The following RIPOR2 variants were observed in gnomAD, a reference collection of about 807,000 sequenced individuals.
RIPOR2 encodes RHO family interacting cell polarization regulator 2.
A neutral mutation model predicts 114.5 loss-of-function variants in RIPOR2; 39 were observed. The observed-to-expected ratio is 0.34, with a 90% CI of 0.26 to 0.44. RIPOR2 has a LOEUF of 0.44. RIPOR2 is among the 20% of genes least tolerant of loss of function. The pLI is 1.00. For missense variants in RIPOR2, 1,007 were observed against 1,255.1 expected, an observed-to-expected ratio of 0.80 and a Z score of 2.99; for synonymous variants, 445 against 484.4, an observed-to-expected ratio of 0.92 and a Z score of 1.07.
At chr6:25,012,526 G>A (rs2113681649) in intron 1 of RIPOR2, among the ~76,000 whole-genome samples, 1 of 152,186 alleles carries the variant, frequency 6.6e-6, no homozygotes, top group South Asian at 2.1e-4. Flanking sequence ...TCCATACAAT[G>A]GAATATAATT....
chr6:24,897,121 G>A (rs1222025056), intron 1 of RIPOR2, among the ~76,000 whole-genome samples: 2 of 152,142 alleles, frequency 1.3e-5, no homozygotes, highest in African/African-American at 4.8e-5. Flanking sequence ...CCAATACATT[G>A]GAAGTGAAAA....
chr6:24,966,766 G>T (rs899016857), intron 1 of RIPOR2, among the ~76,000 whole-genome samples: 1 of 152,218 alleles, frequency 6.6e-6, no homozygotes, highest in South Asian at 2.1e-4. Flanking sequence ...ATAAGGACAG[G>T]TGATGAGCTT....
intron 1 of RIPOR2, among the ~76,000 whole-genome samples, chr6:24,903,237 AG>A (rs1452081950): frequency 6.6e-6 from 1 of 152,220 alleles, no homozygotes; most frequent in Non-Finnish European, 1.5e-5. Flanking sequence ...GGTGGCTGAT[AG>A]CTTCAAGAGT....
At chr6:24,936,695 C>G (rs16889798), upstream of RIPOR2, among the ~76,000 whole-genome samples, 20,664 of 152,156 alleles carry the variant, frequency 0.14, 1,798 homozygotes, top group South Asian at 0.23. Flanking sequence ...TGAGCTTCTA[C>G]GCGAGCACCA....
chr6:24,907,715 T>C (rs1769131880), intron 1 of RIPOR2, among the ~76,000 whole-genome samples: 1 of 152,212 alleles, frequency 6.6e-6, no homozygotes, highest in African/African-American at 2.4e-5. Flanking sequence ...ACAGTGAGGT[T>C]CTTGTTTTCA....
intron 1 of RIPOR2, among the ~76,000 whole-genome samples, chr6:24,903,766 T>A (rs1768697684): frequency 6.6e-6 from 1 of 152,170 alleles, no homozygotes; most frequent in Non-Finnish European, 1.5e-5. Flanking sequence ...CTGATGCCTC[T>A]CCCCTACCTC....
At position 25,015,896 on chromosome 6, in the gene RIPOR2, G is replaced by GTTTTTTTTTTTTTTTTTTTTTTT. The variant is rs869301317; in HGVS notation, c.76+25932_76+25954dup. 6 of 45,866 alleles carry GTTTTTTTTTTTTTTTTTTTTTTT rather than the reference G, an allele frequency of 1.3e-4. 2 individuals carry two copies. The highest frequency in any genetic ancestry group is 2.8e-4 in the African/African-American group (4 of 14,098). The allele number at this position is 45,866 out of a possible 1,614,324, so 2.8% of individuals were successfully genotyped here. Reference sequence around the variant, plus strand: ...TCCCCTTAAAAACGCAGGTTTTTTGGTTTTTTTTTTTTTTTTTTTTTTTTT... The same window carrying GTTTTTTTTTTTTTTTTTTTTTTT: ...TCCCCTTAAAAACGCAGGTTTTTTGGTTTTTTTTTTTTTTTTTTTTTTTTTTTTTTTTTTTTTTTTTTTTTTTT... On this transcript the variant is annotated intron_variant, in intron 1 of 13. Transcript: ENST00000510784.
At chr6:24,885,311 CT>C (rs1253737559) in intron 1 of RIPOR2, among the ~76,000 whole-genome samples, 3 of 152,130 alleles carry the variant, frequency 2.0e-5, no homozygotes, top group Non-Finnish European at 4.4e-5. Flanking sequence ...CAGCCTCAAT[CT>C]CCTGGGCTCA....
chr6:24,937,436 G>T (rs927519350), upstream of RIPOR2, among the ~76,000 whole-genome samples: 1 of 152,168 alleles, frequency 6.6e-6, no homozygotes, highest in African/African-American at 2.4e-5. Flanking sequence ...CAGAGAACTG[G>T]AGTTATCCTT....
chr6:25,024,805 A>G (rs1158518648), intron 1 of RIPOR2, among the ~76,000 whole-genome samples: 1 of 152,108 alleles, frequency 6.6e-6, no homozygotes, highest in East Asian at 1.9e-4. Context: ...GCTGATAATC[A>G]TTTCTAGATT....
At chr6:25,002,320 T>C (rs1476959597) in intron 1 of RIPOR2, among the ~76,000 whole-genome samples, 16 of 152,202 alleles carry the variant, frequency 1.1e-4, no homozygotes, top group African/African-American at 3.9e-4. Context: ...GAACATAACG[T>C]ATGTCCTCCA....
Position 24,980,850 on chromosome 6 carries a change from G to C in RIPOR2, c.76+61001C>G, listed in dbSNP as rs118135998. On this transcript the variant is annotated intron_variant, in intron 1 of 13. Transcript: ENST00000510784. ...AGTGAGCTTATCCAGGATGGGAGCA[G>C]AGAAGGTGAGTGAAGCTGGACAGAA... Among the ~76,000 whole-genome samples, 158 of 152,308 alleles carry C rather than the reference G, an allele frequency of 1.0e-3. 4 individuals carry two copies. In the East Asian group the frequency reaches 0.018, roughly 17 times the overall value.
chr6:24,877,070 C>G, intron 1 of RIPOR2: 1 of 985,320 alleles, frequency 1.0e-6, no homozygotes, highest in South Asian at 4.7e-5. Context: ...GGTATGTTTG[C>G]AGAGTGTCGA....
chr6:24,917,684 C>A (rs1286955919), intron 1 of RIPOR2, among the ~76,000 whole-genome samples: 1 of 152,154 alleles, frequency 6.6e-6, no homozygotes, highest in Non-Finnish European at 1.5e-5. Context: ...CGCGTACCAC[C>A]AGGCCTGGCT....
chr6:24,878,217 A>G (rs1312590639), intron 1 of RIPOR2, among the ~76,000 whole-genome samples: 3 of 152,230 alleles, frequency 2.0e-5, no homozygotes, highest in African/African-American at 7.2e-5. Context: ...TTAATCCTTA[A>G]TGAGGTTCTC....
chr6:24,969,385 G>T (rs760469122), intron 1 of RIPOR2, among the ~76,000 whole-genome samples: 9 of 152,214 alleles, frequency 5.9e-5, no homozygotes, highest in Non-Finnish European at 1.3e-4. Context: ...AGATCCTGGG[G>T]TGATTCACGT....
chr6:24,947,992 TACTC>T (rs1772521797), intron 1 of RIPOR2: 1 of 152,146 alleles, frequency 6.6e-6, no homozygotes, highest in Non-Finnish European at 1.5e-5. Context: ...ATTTTCCTAA[TACTC>T]ACCAAAAAAT....
chr6:24,819,682 T>TTTTTTTTTTTTTA (rs1759502452), intron 19 of RIPOR2, among the ~76,000 whole-genome samples: 1 of 128,140 alleles, frequency 7.8e-6, no homozygotes, highest in Non-Finnish European at 1.7e-5. Context: ...TTTTTTTTTT[T>TTTTTTTTTTTTTA]AGTGGAGACA....
At chr6:24,938,618 A>G (rs1771948131), upstream of RIPOR2, among the ~76,000 whole-genome samples, 3 of 152,212 alleles carry the variant, frequency 2.0e-5, no homozygotes, top group African/African-American at 4.8e-5. Context: ...GATATTTCCC[A>G]AATTGAAGGC....
Sources: gnomAD v4.1 joint callset for allele counts (sites outside exome capture counted in the v4.1 genomes callset) on GRCh38, gnomAD v4.1.1 for gene constraint, MANE v1.5 for transcripts, NCBI Gene and HGNC (gene_info 2026-07-23, HGNC 2026-07-21) for gene names.